PTPRD: variants seen among roughly 807,000 people sequenced by gnomAD.
The protein encoded by PTPRD is protein tyrosine phosphatase receptor type D.
In PTPRD, 34 loss-of-function variants were observed where a neutral mutation model predicts 214.5. The ratio of observed to expected loss-of-function variants is 0.16; its 90% confidence interval spans 0.12 to 0.21. The LOEUF is 0.21. PTPRD is among the 10% of genes least tolerant of loss of function. The pLI, the probability that PTPRD is intolerant of heterozygous loss-of-function variation, is 1.00. For missense variants in PTPRD, 2,545 were observed against 2,398.7 expected (o/e 1.06, Z -1.27); for synonymous variants, 1,128 against 845.7 (o/e 1.33, Z -5.79).
intron 2 of PTPRD, among the ~76,000 whole-genome samples, chr9:10,496,858 C>A (rs75089376): frequency 0.25 from 38,166 of 151,838 alleles, 5,101 homozygotes; most frequent in Middle Eastern, 0.41. Flanking sequence ...GGATATTAGA[C>A]CTTTGTCAGA....
chr9:10,506,144 G>T (rs1297217855), intron 2 of PTPRD, among the ~76,000 whole-genome samples: 1 of 152,070 alleles, frequency 6.6e-6, no homozygotes, highest in African/African-American at 2.4e-5. Context: ...GATTCTCTAT[G>T]AATCCAGAAG....
intron 9 of PTPRD, among the ~76,000 whole-genome samples, chr9:9,337,169 A>T (rs1231306468): frequency 1.3e-5 from 2 of 152,220 alleles, no homozygotes; most frequent in Non-Finnish European, 2.9e-5. Flanking sequence ...CTATGAAGTA[A>T]ATCAGAGATT....
At chr9:9,497,221 C>T (rs1054598967) in intron 8 of PTPRD, among the ~76,000 whole-genome samples, 2 of 152,122 alleles carry the variant, frequency 1.3e-5, no homozygotes, top group Non-Finnish European at 2.9e-5. Flanking sequence ...CTGAGCTGTA[C>T]ACTTAAAAAT....
At chr9:9,224,056 G>A (rs191248767) in intron 9 of PTPRD, among the ~76,000 whole-genome samples, 4 of 151,950 alleles carry the variant, frequency 2.6e-5, no homozygotes, top group African/African-American at 9.7e-5. Context: ...TTTTGTACAA[G>A]GCCAGAACAT....
chr9:9,009,669 T>C (rs2099499780), intron 11 of PTPRD, among the ~76,000 whole-genome samples: 1 of 152,102 alleles, frequency 6.6e-6, no homozygotes, highest in Non-Finnish European at 1.5e-5. Context: ...AATTTAGATG[T>C]AGATGACATT....
chr9:8,330,149 G>A (rs1838532003), intron 44 of PTPRD, among the ~76,000 whole-genome samples: 1 of 152,116 alleles, frequency 6.6e-6, no homozygotes, highest in African/African-American at 2.4e-5. Context: ...GACCCCTTGT[G>A]CTTCCTGGGT....
chr9:9,443,242 CATAA>C (rs56225256), intron 8 of PTPRD, among the ~76,000 whole-genome samples: 1 of 151,552 alleles, frequency 6.6e-6, no homozygotes, highest in Non-Finnish European at 1.5e-5. Flanking sequence ...AATCATATGG[CATAA>C]ATAAATAAAT....
intron 3 of PTPRD, among the ~76,000 whole-genome samples, chr9:10,119,004 A>T (rs1366782478): frequency 6.6e-6 from 1 of 151,800 alleles, no homozygotes; most frequent in Admixed American, 6.6e-5. Context: ...CATTTAGAAA[A>T]TAGTAAAACA....
intron 11 of PTPRD, among the ~76,000 whole-genome samples, chr9:9,012,023 A>G (rs938631771): frequency 1.3e-5 from 2 of 152,192 alleles, no homozygotes; most frequent in African/African-American, 4.8e-5. Context: ...GTCTGGTAAT[A>G]GGAAGTGTCC....
chr9:9,621,009 A>G (rs551223741), intron 7 of PTPRD, among the ~76,000 whole-genome samples: 2 of 152,302 alleles, frequency 1.3e-5, no homozygotes, highest in African/African-American at 2.4e-5. Flanking sequence ...GTAAGACCCA[A>G]TTCCCCTTGT....
chr9:9,813,424 A>G (rs11521515), intron 5 of PTPRD, among the ~76,000 whole-genome samples: 3,724 of 152,132 alleles, frequency 0.024, 59 homozygotes, highest in Middle Eastern at 0.058. Context: ...TCAATAAATT[A>G]GAAATGAAAG....
chr9:8,792,369 T>C (rs2096265109), intron 11 of PTPRD, among the ~76,000 whole-genome samples: 2 of 152,180 alleles, frequency 1.3e-5, no homozygotes, highest in South Asian at 4.1e-4. Context: ...ATAAATGCAG[T>C]CACTTTCTAG....
intron 2 of PTPRD, among the ~76,000 whole-genome samples, chr9:10,485,583 G>C (rs1459852882): frequency 1.3e-5 from 2 of 151,668 alleles, no homozygotes; most frequent in Admixed American, 6.6e-5. Context: ...CACTTCTTTG[G>C]TTAAGTTAAT....
intron 14 of PTPRD, among the ~76,000 whole-genome samples, chr9:8,555,248 C>T (rs962345701): frequency 5.9e-5 from 9 of 152,024 alleles, no homozygotes; most frequent in African/African-American, 2.2e-4. Flanking sequence ...TATAAAAAGA[C>T]TTTTAAAAAT....
intron 12 of PTPRD, among the ~76,000 whole-genome samples, chr9:8,723,613 G>A (rs147867129): frequency 2.0e-5 from 3 of 152,220 alleles, no homozygotes; most frequent in Admixed American, 6.5e-5. Context: ...ACTGAAATTT[G>A]TTTTAAAAGA....
intron 2 of PTPRD, among the ~76,000 whole-genome samples, chr9:10,382,850 A>AT (rs2097849060): frequency 6.6e-6 from 1 of 151,840 alleles, no homozygotes. Flanking sequence ...CTATTTTTAA[A>AT]TTTTTTATAT....
At chr9:10,513,682 G>A (rs1473975286) in intron 2 of PTPRD, among the ~76,000 whole-genome samples, 3 of 152,202 alleles carry the variant, frequency 2.0e-5, no homozygotes, top group Admixed American at 6.6e-5. Flanking sequence ...GTCACTTCCT[G>A]GTGAATACTT....
At chr9:10,277,246 TA>T (rs145152261) in intron 3 of PTPRD, among the ~76,000 whole-genome samples, 27,922 of 148,150 alleles carry the variant, frequency 0.19, 2,756 homozygotes, top group Non-Finnish European at 0.21. Flanking sequence ...AACATAAACA[TA>T]AAAAAAAAAC....
intron 2 of PTPRD, among the ~76,000 whole-genome samples, chr9:10,373,566 C>T (rs2097671741): frequency 6.6e-6 from 1 of 152,072 alleles, no homozygotes; most frequent in Admixed American, 6.6e-5. Flanking sequence ...TAATGCCCTT[C>T]AATAACTGTG....
Sources: gnomAD v4.1 joint callset for allele counts (sites outside exome capture counted in the v4.1 genomes callset) on GRCh38, gnomAD v4.1.1 for gene constraint, MANE v1.5 for transcripts, NCBI Gene and HGNC (gene_info 2026-07-23, HGNC 2026-07-21) for gene names.